CSMD1: variants seen among roughly 807,000 people sequenced by gnomAD.
CSMD1 encodes the protein CUB and sushi domain-containing protein 1.
CSMD1 carries 213 observed loss-of-function variants against 417.5 expected under a neutral mutation model. The ratio of observed to expected loss-of-function variants is 0.51; its 90% CI spans 0.46 to 0.57. The LOEUF is 0.57. CSMD1 is among the 20% of genes least tolerant of loss of function. The pLI is 0.00. For synonymous variants in CSMD1, 2,862 were observed against 1,736.8 expected, an observed-to-expected ratio of 1.65 and a Z score of -16.11; for missense variants, 6,923 against 4,529.7, an observed-to-expected ratio of 1.53 and a Z score of -15.17.
At chr8:3,732,222 G>C (rs1423586722) in intron 6 of CSMD1, among the ~76,000 whole-genome samples, 2 of 152,154 alleles carry the variant, frequency 1.3e-5, no homozygotes, top group Non-Finnish European at 2.9e-5. Flanking sequence ...CAATTTAGCA[G>C]TTTCGCCCGA....
intron 11 of CSMD1, among the ~76,000 whole-genome samples, chr8:3,485,762 AAAAATAAAATAAAAT>A (rs66605905): frequency 0.16 from 17,317 of 110,594 alleles, 1,638 homozygotes; most frequent in East Asian, 0.23. Context: ...TCAGCCTCAA[AAAAATAAAATAAAAT>A]AAAATAAAAT....
chr8:4,839,773 A>T (rs1325847883), intron 1 of CSMD1, among the ~76,000 whole-genome samples: 1 of 152,202 alleles, frequency 6.6e-6, no homozygotes, highest in Non-Finnish European at 1.5e-5. Context: ...TCCACAGAAA[A>T]GCATAAACAA....
intron 25 of CSMD1, among the ~76,000 whole-genome samples, chr8:3,294,792 C>A (rs117340883): frequency 6.6e-6 from 1 of 152,162 alleles, no homozygotes; most frequent in Non-Finnish European, 1.5e-5. Context: ...GATGCCTCCC[C>A]CTGCTTTGGC....
chr8:3,609,490 C>T (rs1237132555), intron 8 of CSMD1, among the ~76,000 whole-genome samples: 3 of 152,094 alleles, frequency 2.0e-5, no homozygotes, highest in East Asian at 3.9e-4. Flanking sequence ...GTATTTTATA[C>T]ATAATGATAG....
rs549411545 is a variant in CSMD1, at chr8:4,236,121, G to C, written c.415+183832C>G. On this transcript the variant is annotated intron_variant, in intron 3 of 69. Coordinates refer to ENST00000635120, the MANE Select transcript of CSMD1 (RefSeq NM_033225.6). Reference sequence around the variant, plus strand: ...GTAGGCCCAGCACAGGGCTTCAAACGGTGGGATAAAAACACCGTATGTTAT... The same window carrying C: ...GTAGGCCCAGCACAGGGCTTCAAACCGTGGGATAAAAACACCGTATGTTAT... Among the ~76,000 whole-genome samples the C allele has an allele frequency of 3.5e-5, 5 of 144,574 alleles. No individual in the cohort carries two copies. The East Asian group carries it at 8.1e-4, about 24-fold the overall frequency. 94.8% of individuals were successfully genotyped at this position (144,574 alleles called of 152,430 possible).
At chr8:3,850,112 G>T (rs970139075) in intron 5 of CSMD1, among the ~76,000 whole-genome samples, 22 of 152,210 alleles carry the variant, frequency 1.4e-4, no homozygotes, top group Non-Finnish European at 2.9e-4. Flanking sequence ...ATATCTTTTT[G>T]ATACATTTGG....
At chr8:4,468,756 T>C (rs563968517) in intron 2 of CSMD1, among the ~76,000 whole-genome samples, 2 of 152,338 alleles carry the variant, frequency 1.3e-5, no homozygotes, top group Admixed American at 6.5e-5. Context: ...TGCTTCTATG[T>C]CTGAATCAGC....
intron 17 of CSMD1, among the ~76,000 whole-genome samples, chr8:3,392,516 G>A (rs1476371717): frequency 6.6e-6 from 1 of 151,982 alleles, no homozygotes; most frequent in East Asian, 1.9e-4. Flanking sequence ...GGACTCATTG[G>A]TTCCTTTAAC....
intron 12 of CSMD1, among the ~76,000 whole-genome samples, chr8:3,412,661 AC>A (rs1812885792): frequency 6.6e-6 from 1 of 152,228 alleles, no homozygotes; most frequent in African/African-American, 2.4e-5. Context: ...AGGCTACCAA[AC>A]AAAGATGATC....
At chr8:3,448,953 A>G (rs916691109) in intron 12 of CSMD1, among the ~76,000 whole-genome samples, 1 of 152,248 alleles carries the variant, frequency 6.6e-6, no homozygotes, top group Non-Finnish European at 1.5e-5. Flanking sequence ...GTAGGAAAGA[A>G]GGTGACAGCC....
chr8:4,211,576 G>A (rs542914084), intron 3 of CSMD1, among the ~76,000 whole-genome samples: 1 of 152,282 alleles, frequency 6.6e-6, no homozygotes, highest in South Asian at 2.1e-4. Flanking sequence ...TTAGATAGAA[G>A]TTTTGCTGAA....
At chr8:4,534,282 G>A (rs904404101) in intron 2 of CSMD1, among the ~76,000 whole-genome samples, 8 of 152,196 alleles carry the variant, frequency 5.3e-5, no homozygotes, top group Non-Finnish European at 8.8e-5. Context: ...GGATGCTCAA[G>A]GAGGCCAGCC....
intron 3 of CSMD1, among the ~76,000 whole-genome samples, chr8:4,190,708 T>G (rs1798974029): frequency 6.6e-6 from 1 of 152,242 alleles, no homozygotes; most frequent in Non-Finnish European, 1.5e-5. Flanking sequence ...AACAAACATT[T>G]TACAGAAAAT....
chr8:4,167,431 G>A (rs769925321), intron 3 of CSMD1, among the ~76,000 whole-genome samples: 3 of 152,102 alleles, frequency 2.0e-5, no homozygotes, highest in African/African-American at 7.2e-5. Flanking sequence ...AATGGTAATA[G>A]AAATGTTAAC....
chr8:4,276,284 C>G (rs937233743), intron 3 of CSMD1, among the ~76,000 whole-genome samples: 3 of 152,154 alleles, frequency 2.0e-5, no homozygotes, highest in African/African-American at 4.8e-5. Context: ...CCACGGAATA[C>G]TATGCAGCCA....
At chr8:3,592,116 A>G (rs1048522846) in intron 8 of CSMD1, among the ~76,000 whole-genome samples, 3 of 152,140 alleles carry the variant, frequency 2.0e-5, no homozygotes, top group Non-Finnish European at 2.9e-5. Context: ...GGATAGATAC[A>G]TAGATGGATA....
At chr8:4,160,678 A>G (rs1797104844) in intron 3 of CSMD1, among the ~76,000 whole-genome samples, 1 of 152,222 alleles carries the variant, frequency 6.6e-6, no homozygotes, top group African/African-American at 2.4e-5. Context: ...ATGTCCACGC[A>G]ATGTCCCACA....
Position 3,783,501 on chromosome 8 carries a change from G to T in CSMD1, c.819-29459C>A, listed in dbSNP as rs959343531. On this transcript the variant is annotated intron_variant, in intron 5 of 69. Coordinates refer to ENST00000635120, the MANE Select transcript of CSMD1 (RefSeq NM_033225.6). Reference sequence around the variant, plus strand: ...AGGCGGCCCTGCAGTGCTGAGGAGGGGAAAGGACCTGAATCCTGTGCTGAG... The same window carrying T: ...AGGCGGCCCTGCAGTGCTGAGGAGGTGAAAGGACCTGAATCCTGTGCTGAG... Among the ~76,000 whole-genome samples the T allele has an allele frequency of 2.6e-5, 4 of 152,194 alleles. No homozygotes were observed. The South Asian group carries it at 6.2e-4, about 24-fold the overall frequency.
intron 3 of CSMD1, among the ~76,000 whole-genome samples, chr8:4,159,208 G>A (rs1797006729): frequency 1.3e-5 from 2 of 152,110 alleles, no homozygotes; most frequent in African/African-American, 2.4e-5. Flanking sequence ...GAGCCACCGT[G>A]CCCAGCCCGT....
Sources: gnomAD v4.1 joint callset for allele counts (sites outside exome capture counted in the v4.1 genomes callset) on GRCh38, gnomAD v4.1.1 for gene constraint, MANE v1.5 for transcripts, NCBI Gene and HGNC (gene_info 2026-07-23, HGNC 2026-07-21) for gene names.